Variants in YIPF4 observed in about 807,000 individuals in gnomAD.
The protein encoded by YIPF4 is Yip1 domain family member 4, also known as protein YIPF4.
Under a neutral mutation model 29.4 loss-of-function variants are expected in YIPF4, and 18 were observed. That is an observed-to-expected ratio of 0.61 (90% CI 0.42 to 0.91). YIPF4 has a LOEUF of 0.91. Ranked by LOEUF, YIPF4 falls within the 40% of genes least tolerant of loss-of-function variation. YIPF4 has a pLI of 0.00. For missense variants in YIPF4, 279 were observed against 282.7 expected (o/e 0.99, Z 0.09); for synonymous variants, 115 against 104.7 (o/e 1.10, Z -0.60).
Position 32,305,900 on chromosome 2 carries a change from A to T in YIPF4, c.*274A>T. ...GCATTGTGTTTTTAAGATTGTGTCG[A>T]TATTCACCTAAAAACTTGTGCCAAA... On this transcript the variant is annotated 3_prime_UTR_variant, in exon 6 of 6. Coordinates refer to ENST00000238831, the MANE Select transcript of YIPF4 (RefSeq NM_032312.4). The T allele has an allele frequency of 9.5e-7, 1 of 1,049,428 alleles. No homozygotes were observed. Among genetic ancestry groups the T allele is most frequent in the Non-Finnish European group, 1.1e-6 (1 of 872,728 alleles). 65.0% of individuals were successfully genotyped at this position (1,049,428 alleles called of 1,614,324 possible). A position where few individuals can be genotyped will look rare whatever the true frequency, so the allele number is the denominator to read the frequency against.
At chr2:32,298,625 A>G (rs766384528) in intron 4 of YIPF4, among the ~76,000 whole-genome samples, 3 of 152,098 alleles carry the variant, frequency 2.0e-5, no homozygotes, top group African/African-American at 4.8e-5. Flanking sequence ...CAGTGGGGCA[A>G]TCTCGGCTCA....
rs1293225021 is a variant in YIPF4, at chr2:32,278,151, G to C, written c.-5G>C. On this transcript the variant is annotated 5_prime_UTR_variant, in exon 1 of 6. Coordinates refer to ENST00000238831, the MANE Select transcript of YIPF4 (RefSeq NM_032312.4). ...CTACCGCGGCCGGTTGGGAGTCGCCGCGAGATGCAGCCTCCGGGCCCGCCC... is the reference window on the plus strand; with the variant it reads ...CTACCGCGGCCGGTTGGGAGTCGCCCCGAGATGCAGCCTCCGGGCCCGCCC... The C allele has an allele frequency of 1.3e-6, 2 of 1,555,702 alleles. No homozygotes were observed. Among genetic ancestry groups the C allele is most frequent in the Non-Finnish European group, 1.7e-6 (2 of 1,151,624 alleles).
chr2:32,298,960 C>A (rs1038798918), intron 4 of YIPF4, among the ~76,000 whole-genome samples: 1 of 151,996 alleles, frequency 6.6e-6, no homozygotes. Context: ...TCACTGCTAC[C>A]TCCACCTCCT....
chr2:32,297,916 A>T (rs1409068799), intron 3 of YIPF4, among the ~76,000 whole-genome samples: 1 of 152,056 alleles, frequency 6.6e-6, no homozygotes, highest in Non-Finnish European at 1.5e-5. Flanking sequence ...TCAGAAATAA[A>T]TTTTTCTTCT....
At position 32,316,407 on chromosome 2, in the gene YIPF4, G is replaced by A. The variant is rs761572220; in HGVS notation, c.*10781G>A. On this transcript the variant is annotated 3_prime_UTR_variant, in exon 6 of 6. Transcript: ENST00000238831. ...TGTGAATTAACAACGTTGGCCTCTC[G>A]GATTCCCAAAACTTTAAAAGATTAA... 5 of 152,080 alleles carry A rather than the reference G, an allele frequency of 3.3e-5. No homozygotes were observed. Among genetic ancestry groups the A allele is most frequent in the Non-Finnish European group, 7.4e-5 (5 of 68,018 alleles). 9.4% of individuals were successfully genotyped at this position (152,080 alleles called of 1,614,324 possible). A position where few individuals can be genotyped will look rare whatever the true frequency, so the allele number is the denominator to read the frequency against.
At position 32,309,266 on chromosome 2, in the gene YIPF4, C is replaced by T. The variant is rs546241670; in HGVS notation, c.*3640C>T. The T allele has an allele frequency of 4.7e-4, 71 of 152,066 alleles. No homozygotes were observed. The highest frequency in any genetic ancestry group is 1.0e-3 in the Admixed American group (16 of 15,276). 9.4% of individuals were successfully genotyped at this position (152,066 alleles called of 1,614,324 possible). A position where few individuals can be genotyped will look rare whatever the true frequency, so the allele number is the denominator to read the frequency against. On this transcript the variant is annotated 3_prime_UTR_variant, in exon 6 of 6. Coordinates refer to ENST00000238831, the MANE Select transcript of YIPF4 (RefSeq NM_032312.4). ...TTCAGATAAGAACATTTTTGAGTGC[C>T]GATGTGACACTTTAAAGGAAATGTT...
Position 32,286,446 on chromosome 2 carries a change from A to T in YIPF4, c.80-4037A>T, listed in dbSNP as rs368082505. 2.6e-5 allele frequency among the ~76,000 whole-genome samples: 4 copies of T among 152,238 alleles called. No homozygotes were observed. In the East Asian group the frequency reaches 7.7e-4, roughly 29 times the overall value. On this transcript the variant is annotated intron_variant, in intron 1 of 5. Coordinates refer to ENST00000238831, the MANE Select transcript of YIPF4 (RefSeq NM_032312.4). ...AGAATTTAATTATTTACAGTATGAA[A>T]ATTTACCTATAATATTTGATAGAAA... is the stretch of plus-strand genomic sequence containing the variant.
intron 4 of YIPF4, among the ~76,000 whole-genome samples, chr2:32,299,184 C>G (rs905222084): frequency 2.6e-5 from 4 of 152,116 alleles, no homozygotes; most frequent in Non-Finnish European, 5.9e-5. Context: ...AGAATTTATT[C>G]TTACAGAAAT....
At chr2:32,284,540 C>T (rs2030571835) in intron 1 of YIPF4, among the ~76,000 whole-genome samples, 1 of 152,132 alleles carries the variant, frequency 6.6e-6, no homozygotes, top group Non-Finnish European at 1.5e-5. Flanking sequence ...CCTCCTCTGG[C>T]CATGTAAAAC....
chr2:32,305,449 G>T (rs758160027), intron 5 of YIPF4, 40 bp from the exon 6 acceptor site: 27 of 1,437,786 alleles, frequency 1.9e-5, no homozygotes, highest in African/African-American at 2.9e-5. Flanking sequence ...TAATTGACTT[G>T]CTAATATGCT....
At position 32,306,527 on chromosome 2, in the gene YIPF4, A is replaced by G. The variant is rs1310305924; in HGVS notation, c.*901A>G. The G allele has an allele frequency of 1.3e-5, 13 of 984,948 alleles. No individual in the cohort carries two copies. Among genetic ancestry groups the G allele is most frequent in the African/African-American group, 1.7e-5 (1 of 57,238 alleles). 61.0% of individuals were successfully genotyped at this position (984,948 alleles called of 1,614,324 possible). On this transcript the variant is annotated 3_prime_UTR_variant, in exon 6 of 6. Coordinates refer to ENST00000238831, the MANE Select transcript of YIPF4 (RefSeq NM_032312.4). The stretch of plus-strand genomic sequence containing the variant: ...AGACCTTTAAAATCTTGTGGTGTTG[A>G]ACAATGTTATATGAAGTAGAAAAAA...
intron 4 of YIPF4, among the ~76,000 whole-genome samples, chr2:32,300,007 C>T (rs1169987952): frequency 1.3e-5 from 2 of 152,128 alleles, no homozygotes; most frequent in Non-Finnish European, 2.9e-5. Flanking sequence ...TAGCTCACGC[C>T]TGTCATCCCA....
chr2:32,280,573 G>C (rs182100167), intron 1 of YIPF4, among the ~76,000 whole-genome samples: 6 of 151,784 alleles, frequency 4.0e-5, no homozygotes, highest in Admixed American at 1.3e-4. Context: ...TAGTAGAGAC[G>C]GGGTTTCACT....
chr2:32,312,848 G>C lies in YIPF4; in HGVS notation c.*7222G>C, dbSNP rs1161842230. 6.6e-6 allele frequency: 1 copy of C among 152,194 alleles called. No homozygotes were observed. The highest frequency in any genetic ancestry group is 2.4e-5 in the African/African-American group (1 of 41,408). The allele number at this position is 152,194 out of a possible 1,614,324, so 9.4% of individuals were successfully genotyped here. On this transcript the variant is annotated 3_prime_UTR_variant, in exon 6 of 6. Transcript: ENST00000238831. ...TCTACTAAAAATACAAAATTTAGCC[G>C]GGCGTGGTAGCAGGCGCCTGTAGTC...
intron 4 of YIPF4, among the ~76,000 whole-genome samples, chr2:32,298,874 T>C (rs1181956575): frequency 6.6e-6 from 1 of 151,656 alleles, no homozygotes; most frequent in Non-Finnish European, 1.5e-5. Flanking sequence ...TATTTATTTA[T>C]TTATTATTAT....
rs562479524 is a variant in YIPF4, at chr2:32,295,022, G to A, written c.405+2674G>A. ...AGTGAGCCGAGATGGCAGCAGTACA[G>A]TCCAGCTTCGGCTCGGCATCAGAGG... On this transcript the variant is annotated intron_variant, in intron 3 of 5. Transcript: ENST00000238831. Among the ~76,000 whole-genome samples, 382 of 149,860 alleles carry A rather than the reference G, an allele frequency of 2.5e-3. 2 individuals are homozygous for A. The highest frequency in any genetic ancestry group is 6.8e-3 in the Middle Eastern group (2 of 292).
chr2:32,281,558 A>C (rs939858642), intron 1 of YIPF4, among the ~76,000 whole-genome samples: 45 of 152,116 alleles, frequency 3.0e-4, no homozygotes, highest in Non-Finnish European at 6.3e-4. Flanking sequence ...GTTCTTTATA[A>C]GACTCCCAGT....
Position 32,307,260 on chromosome 2 carries a change from T to C in YIPF4, c.*1634T>C. 2 of 671,624 alleles carry C rather than the reference T, an allele frequency of 3.0e-6. No homozygotes were observed. The highest frequency in any genetic ancestry group is 5.3e-5 in the South Asian group (2 of 37,850). The allele number at this position is 671,624 out of a possible 1,614,324, so 41.6% of individuals were successfully genotyped here. ...ACTTTGTTATAATGGATTATAATAT[T>C]TGACATTCATAGTGTTGACCCTGGA... On this transcript the variant is annotated 3_prime_UTR_variant, in exon 6 of 6. Transcript: ENST00000238831.
In YIPF4 at chr2:32,306,093, A is replaced by G. The variant is rs1465851911; in HGVS notation, c.*467A>G. ...TTTATGAAATAATTCTTACTCACAA[A>G]ATATATTTCTGATAAACATTAAGAT... On this transcript the variant is annotated 3_prime_UTR_variant, in exon 6 of 6. Transcript: ENST00000238831. 1.3e-6 allele frequency: 1 copy of G among 793,218 alleles called. No homozygotes were observed. The highest frequency in any genetic ancestry group is 1.9e-5 in the African/African-American group (1 of 53,264). 49.1% of individuals were successfully genotyped at this position (793,218 alleles called of 1,614,324 possible).
Sources: gnomAD v4.1 joint callset for allele counts (sites outside exome capture counted in the v4.1 genomes callset) on GRCh38, gnomAD v4.1.1 for gene constraint, MANE v1.5 for transcripts, NCBI Gene and HGNC (gene_info 2026-07-23, HGNC 2026-07-21) for gene names.